Variants in NRXN3 observed in about 807,000 individuals in gnomAD.
The protein encoded by NRXN3 is neurexin III.
In NRXN3, 32 loss-of-function variants were observed where a neutral mutation model predicts 137.6. The ratio of observed to expected loss-of-function variants is 0.23; its 90% CI spans 0.18 to 0.31. NRXN3 has a LOEUF of 0.31. Among genes scored for constraint, NRXN3 ranks in the 10% least tolerant of loss-of-function variants. The pLI, the probability that NRXN3 is intolerant of heterozygous loss-of-function variation, is 1.00. For synonymous variants in NRXN3, 798 were observed against 784.5 expected (o/e 1.02, Z -0.29); for missense variants, 1,574 against 2,062.5 (o/e 0.76, Z 4.59).
intron 4 of NRXN3, among the ~76,000 whole-genome samples, chr14:78,527,328 G>A (rs1013128484): frequency 6.6e-5 from 10 of 152,124 alleles, no homozygotes; most frequent in African/African-American, 2.4e-4. Context: ...GGGGAAGCAG[G>A]CACATCTTAC....
intron 15 of NRXN3, among the ~76,000 whole-genome samples, chr14:79,285,756 A>G (rs1348127817): frequency 2.0e-5 from 3 of 152,128 alleles, no homozygotes; most frequent in Non-Finnish European, 4.4e-5. Flanking sequence ...CTGTCCTCAC[A>G]TACACTCACA....
chr14:79,621,913 G>T (rs1244337842), intron 16 of NRXN3, among the ~76,000 whole-genome samples: 1 of 152,164 alleles, frequency 6.6e-6, no homozygotes, highest in African/African-American at 2.4e-5. Flanking sequence ...CTGACCAGCA[G>T]CATGGAGATC....
chr14:79,477,384 C>T (rs368220221), intron 16 of NRXN3, among the ~76,000 whole-genome samples: 243 of 152,154 alleles, frequency 1.6e-3, no homozygotes, highest in African/African-American at 5.6e-3. Flanking sequence ...TCTGTAGCCT[C>T]GGATGAATTA....
intron 4 of NRXN3, among the ~76,000 whole-genome samples, chr14:78,601,801 T>A (rs1031162927): frequency 6.6e-6 from 1 of 152,168 alleles, no homozygotes; most frequent in African/African-American, 2.4e-5. Context: ...TCTTCTGCCA[T>A]CTTGGTCCAT....
intron 19 of NRXN3, among the ~76,000 whole-genome samples, chr14:79,705,747 A>T (rs10400691): frequency 0.07 from 10,704 of 151,956 alleles, 908 homozygotes; most frequent in African/African-American, 0.21. Context: ...TCCAGAAAGG[A>T]CCTTCTTGAC....
intron 6 of NRXN3, among the ~76,000 whole-genome samples, chr14:78,705,796 G>A (rs1213174393): frequency 6.6e-6 from 1 of 152,172 alleles, no homozygotes; most frequent in Non-Finnish European, 1.5e-5. Flanking sequence ...TCACAACAGT[G>A]AAAACTCCAT....
At chr14:78,724,421 G>A (rs1330748890) in intron 8 of NRXN3, among the ~76,000 whole-genome samples, 1 of 152,190 alleles carries the variant, frequency 6.6e-6, no homozygotes, top group East Asian at 1.9e-4. Flanking sequence ...AGAGTATAAA[G>A]AGTTGTGTAA....
At chr14:78,998,761 G>C (rs1037844157) in intron 15 of NRXN3, among the ~76,000 whole-genome samples, 1 of 138,058 alleles carries the variant, frequency 7.2e-6, no homozygotes, top group Non-Finnish European at 1.5e-5. Context: ...ACCATGCCCA[G>C]CTTTTTTTTT....
chr14:79,359,459 G>A (rs1330525454), intron 15 of NRXN3, among the ~76,000 whole-genome samples: 1 of 151,996 alleles, frequency 6.6e-6, no homozygotes, highest in Non-Finnish European at 1.5e-5. Context: ...GTATGGGCTG[G>A]CTTCCTGTTG....
intron 7 of NRXN3, among the ~76,000 whole-genome samples, chr14:78,710,102 C>T (rs924826328): frequency 2.6e-5 from 4 of 152,198 alleles, no homozygotes; most frequent in African/African-American, 9.6e-5. Flanking sequence ...TGCAACAATA[C>T]ACCCTTCAGT....
chr14:78,690,381 A>G (rs1000632248), intron 6 of NRXN3, among the ~76,000 whole-genome samples: 3 of 152,214 alleles, frequency 2.0e-5, no homozygotes, highest in African/African-American at 2.4e-5. Context: ...CTTAATCCAG[A>G]TTCCATCTCT....
intron 20 of NRXN3, among the ~76,000 whole-genome samples, chr14:79,826,064 C>T (rs942992154): frequency 5.3e-5 from 8 of 151,958 alleles, no homozygotes; most frequent in African/African-American, 2.4e-5. Flanking sequence ...GGTGCGATCT[C>T]GGCTCACTGC....
chr14:79,443,498 G>C (rs915165430), intron 15 of NRXN3, among the ~76,000 whole-genome samples: 23 of 152,120 alleles, frequency 1.5e-4, no homozygotes, highest in African/African-American at 5.6e-4. Context: ...CTTGTACTAC[G>C]TCTTGCAGGA....
At chr14:78,916,323 T>G (rs1005944008) in intron 10 of NRXN3, among the ~76,000 whole-genome samples, 1 of 152,194 alleles carries the variant, frequency 6.6e-6, no homozygotes, top group African/African-American at 2.4e-5. Flanking sequence ...AAGCTAGTGA[T>G]GAGTTTCTCT....
chr14:79,849,537 AATAAAAATCACC>A, intron 20 of NRXN3, among the ~76,000 whole-genome samples: 1 of 152,310 alleles, frequency 6.6e-6, no homozygotes, highest in East Asian at 1.9e-4. Context: ...GGGACATGCC[AATAAAAATCACC>A]ATGAGATATC....
chr14:78,839,360 A>G (rs1241662710), intron 10 of NRXN3, among the ~76,000 whole-genome samples: 1 of 152,228 alleles, frequency 6.6e-6, no homozygotes, highest in Non-Finnish European at 1.5e-5. Flanking sequence ...GGAAAGGGTC[A>G]GATAATGGAG....
chr14:79,145,226 T>G (rs538220819), intron 15 of NRXN3, among the ~76,000 whole-genome samples: 9 of 152,294 alleles, frequency 5.9e-5, no homozygotes, highest in African/African-American at 2.2e-4. Context: ...ATGTGATTAT[T>G]TAGGTAAAGT....
At chr14:78,232,837 G>C (rs1172200118) in intron 1 of NRXN3, among the ~76,000 whole-genome samples, 1 of 152,338 alleles carries the variant, frequency 6.6e-6, no homozygotes, top group Non-Finnish European at 1.5e-5. Flanking sequence ...CTCCAGGCTG[G>C]GGAGGCCCAC....
At position 78,644,158 on chromosome 14, in the gene NRXN3, A is replaced by C. The variant is rs1379158992; in HGVS notation, c.758-962A>C. On this transcript the variant is annotated intron_variant, in intron 4 of 20. Coordinates refer to ENST00000335750, the MANE Select transcript of NRXN3 (RefSeq NM_001330195.2). ...CAGAAAAAAAAAAAAAAAAAAGGAA[A>C]TAAAAAGAAGAAGAAGAAAAAAGAA... Among the ~76,000 whole-genome samples the C allele has an allele frequency of 2.0e-5, 3 of 151,632 alleles. No homozygotes were observed. The East Asian group carries it at 5.8e-4, about 29-fold the overall frequency.
Sources: gnomAD v4.1 joint callset for allele counts (sites outside exome capture counted in the v4.1 genomes callset) on GRCh38, gnomAD v4.1.1 for gene constraint, MANE v1.5 for transcripts, NCBI Gene and HGNC (gene_info 2026-07-23, HGNC 2026-07-21) for gene names.